Variants in C2CD3 observed in about 807,000 individuals in gnomAD.
The protein encoded by C2CD3 is C2 domain containing 3 centriole elongation regulator, also known as C2 domain-containing protein 3.
C2CD3 carries 148 observed loss-of-function variants against 234.0 expected under a neutral mutation model. The ratio of observed to expected loss-of-function variants is 0.63; its 90% CI spans 0.55 to 0.72. The LOEUF is 0.72. C2CD3 is among the 30% of genes least tolerant of loss of function. C2CD3 has a pLI of 0.00. For missense variants in C2CD3, 2,577 were observed against 2,811.5 expected (o/e 0.92, Z 1.89); for synonymous variants, 1,000 against 1,035.4 (o/e 0.97, Z 0.66).
chr11:74,112,887 T>C (rs1178196897), intron 11 of C2CD3, among the ~76,000 whole-genome samples: 2 of 152,178 alleles, frequency 1.3e-5, no homozygotes, highest in Non-Finnish European at 2.9e-5. Context: ...AGTCTGGCAG[T>C]TCTTGAAAAA....
intron 28 of C2CD3, among the ~76,000 whole-genome samples, chr11:74,047,145 AC>A (rs1953418047): frequency 6.6e-6 from 1 of 152,136 alleles, no homozygotes; most frequent in Admixed American, 6.5e-5. Context: ...CCACTTTACC[AC>A]CCTGTCCCTT....
chr11:74,151,608 T>A (rs1014238091), intron 3 of C2CD3, among the ~76,000 whole-genome samples: 4 of 152,100 alleles, frequency 2.6e-5, no homozygotes, highest in Admixed American at 2.0e-4. Context: ...ATTACAGGCA[T>A]GAGCCAACGT....
At chr11:74,038,442 T>C (rs184125750) in intron 29 of C2CD3, among the ~76,000 whole-genome samples, 1 of 152,358 alleles carries the variant, frequency 6.6e-6, no homozygotes, top group African/African-American at 2.4e-5. Context: ...AATTTTCAGC[T>C]AATCATATGA....
At position 74,054,674 on chromosome 11, in the gene C2CD3, A is replaced by T; in HGVS notation, c.5091-3T>A. 1 of 1,606,928 alleles carries T rather than the reference A, an allele frequency of 6.2e-7. No individual in the cohort carries two copies. Among genetic ancestry groups the T allele is most frequent in the African/African-American group, 1.3e-5 (1 of 74,766 alleles). The stretch of plus-strand genomic sequence containing the variant: ...CCAGAAGCAGCTCTTTTGATAGCCT[A>T]TTAAGAAAAACAACCACTGTAAACT... On this transcript the variant is annotated splice_polypyrimidine_tract_variant and splice_region_variant and intron_variant, in intron 25 of 32. Transcript: ENST00000334126.
intron 11 of C2CD3, among the ~76,000 whole-genome samples, chr11:74,111,919 T>TACACACACACACACACAC (rs61499954): frequency 8.0e-6 from 1 of 125,112 alleles, no homozygotes; most frequent in Non-Finnish European, 1.7e-5. Context: ...TATTTGCTGA[T>TACACACACACACACACAC]ACACACACAC....
chr11:74,033,633 G>C lies in C2CD3; in HGVS notation c.6527C>G (p.Pro2176Arg). 6.5e-7 allele frequency: 1 copy of C among 1,536,140 alleles called. No individual in the cohort carries two copies. Among genetic ancestry groups the C allele is most frequent in the Non-Finnish European group, 8.7e-7 (1 of 1,146,908 alleles). The change falls in exon 31 of 33, where the codon CCA becomes CGA. Residue 2176 changes from proline to arginine, a missense_variant. Physicochemically the swap from Pro to Arg is moderately radical, Grantham distance 103. Transcript: ENST00000334126. ...ESASANPQPI[P>R]CPTLSGAQQS... ...TTGAGCTCCTGAGAGTGTTGGGCAT[G>C]GGATGGGCTGAGGGTTGGCTGAGGC...
rs1227912568 is a variant in C2CD3, at chr11:74,057,465, T to C, written c.5031A>G (p.Val1677=). The C allele has an allele frequency of 5.6e-6, 9 of 1,613,970 alleles. No homozygotes were observed. Among genetic ancestry groups the C allele is most frequent in the East Asian group, 2.2e-5 (1 of 44,888 alleles). Residue 1677 remains valine, a synonymous_variant, in exon 25 of 33, where the codon GTA becomes GTG. Coordinates refer to ENST00000334126, the MANE Select transcript of C2CD3 (RefSeq NM_001286577.2). ...SFATADESSP[V]YTQVVENTDS... is the part of the protein sequence containing the mutation. ...CTGTGTTTTCAACCACTTGGGTGTA[T>C]ACAGGAGATGACTCATCGGCTGTTG...
intron 3 of C2CD3, among the ~76,000 whole-genome samples, chr11:74,159,784 A>G (rs191540037): frequency 2.0e-5 from 3 of 152,312 alleles, no homozygotes; most frequent in Admixed American, 2.0e-4. Context: ...TATAAAGTCT[A>G]CAGTACAGTA....
chr11:74,033,659 A>T lies in C2CD3; in HGVS notation c.6501T>A (p.Ser2167=). ...GGATGGGCTGAGGGTTGGCTGAGGC[A>T]GACTCGCCACCAACCCTGGCCTTAG... ...EASKARVGGE[S]ASANPQPIPC... is the part of the protein sequence containing the mutation. The change falls in exon 31 of 33, where the codon TCT becomes TCA. Residue 2167 remains serine, a synonymous_variant. Transcript: ENST00000334126. The T allele has an allele frequency of 1.3e-6, 2 of 1,536,208 alleles. No individual in the cohort carries two copies. Among genetic ancestry groups the T allele is most frequent in the Non-Finnish European group, 1.7e-6 (2 of 1,146,912 alleles).
rs754165688 is a variant in C2CD3, at chr11:74,074,267, T to G, written c.4937A>C (p.His1646Pro). The change falls in exon 24 of 33, where the codon CAC becomes CCC. Residue 1646 changes from histidine (H) to proline (P), a missense_variant. Transcript: ENST00000334126. Reference protein sequence around the residue: ...AVSILVERAMHLSLKGSPLTE... With the variant: ...AVSILVERAMPLSLKGSPLTE... ...GGAGAGCATACCTTTCAAGCTCAAG[T>G]GCATTGCTCTTTCTACTAGGATGCT... 3 of 1,613,034 alleles carry G rather than the reference T, an allele frequency of 1.9e-6. No homozygotes were observed. In the African/African-American group the frequency reaches 4.0e-5, roughly 22 times the overall value.
chr11:74,134,248 G>A (rs934054757), intron 5 of C2CD3, among the ~76,000 whole-genome samples: 5 of 152,310 alleles, frequency 3.3e-5, no homozygotes, highest in Non-Finnish European at 7.4e-5. Flanking sequence ...AGTTGTACAC[G>A]CAATACATCT....
At chr11:74,152,831 T>C (rs1425780497) in intron 3 of C2CD3, among the ~76,000 whole-genome samples, 2 of 152,210 alleles carry the variant, frequency 1.3e-5, no homozygotes, top group Non-Finnish European at 2.9e-5. Flanking sequence ...TCAATACCCA[T>C]GATAAAATCT....
Position 74,013,289 on chromosome 11 carries a change from A to T in C2CD3, c.*96T>A. On this transcript the variant is annotated 3_prime_UTR_variant, in exon 33 of 33. Transcript: ENST00000334126. ...CAAGTGGTGGTTTCAGGACTGTGAC[A>T]GCCCTGAAGGAGCCAGACCTGGTGC... 1 of 441,182 alleles carries T rather than the reference A, an allele frequency of 2.3e-6. No individual in the cohort carries two copies. 27.3% of individuals were successfully genotyped at this position (441,182 alleles called of 1,614,324 possible).
chr11:74,061,155 G>A (rs143614903), intron 24 of C2CD3, among the ~76,000 whole-genome samples: 4 of 152,176 alleles, frequency 2.6e-5, no homozygotes, highest in Non-Finnish European at 5.9e-5. Context: ...TCTGACTGCT[G>A]TACCTGAAAG....
chr11:74,138,646 T>C (rs1957946538), intron 5 of C2CD3, 74 bp downstream of exon 5: 1 of 1,217,210 alleles, frequency 8.2e-7, no homozygotes, highest in African/African-American at 1.5e-5. Context: ...TGGTTCTCTT[T>C]GTAGGCTGGC....
intron 32 of C2CD3, among the ~76,000 whole-genome samples, chr11:74,023,017 CAG>C (rs1235313463): frequency 6.6e-6 from 1 of 152,214 alleles, no homozygotes; most frequent in Non-Finnish European, 1.5e-5. Context: ...GATGAGAAAG[CAG>C]ACTCAGAAAA....
At chr11:74,069,721 T>C (rs1287760994) in intron 24 of C2CD3, among the ~76,000 whole-genome samples, 2 of 152,224 alleles carry the variant, frequency 1.3e-5, no homozygotes, top group East Asian at 3.8e-4. Flanking sequence ...GCAATCATTC[T>C]AATTATCTCC....
chr11:74,087,319 T>C (rs1264448843), intron 20 of C2CD3, among the ~76,000 whole-genome samples: 4 of 152,148 alleles, frequency 2.6e-5, no homozygotes, highest in African/African-American at 4.8e-5. Flanking sequence ...ATCCCAGCAC[T>C]TTGGGAGGCT....
At chr11:74,050,097 C>A (rs1251609523) in intron 26 of C2CD3, among the ~76,000 whole-genome samples, 1 of 152,040 alleles carries the variant, frequency 6.6e-6, no homozygotes, top group African/African-American at 2.4e-5. Context: ...TTGATATAGG[C>A]AATTAGAAAA....
Sources: gnomAD v4.1 joint callset for allele counts (sites outside exome capture counted in the v4.1 genomes callset) on GRCh38, gnomAD v4.1.1 for gene constraint, MANE v1.5 for transcripts, NCBI Gene and HGNC (gene_info 2026-07-23, HGNC 2026-07-21) for gene names.